The following PSD3 variants were observed in gnomAD, a reference collection of about 807,000 sequenced individuals.
PSD3 encodes the protein PH and SEC7 domain-containing protein 3.
PSD3 carries 49 observed loss-of-function variants against 105.5 expected under a neutral mutation model. That is an observed-to-expected ratio of 0.46 (90% CI 0.37 to 0.59). The LOEUF is 0.59. Ranked by LOEUF, PSD3 falls within the 20% of genes least tolerant of loss-of-function variation. The probability of loss-of-function intolerance (pLI) is 0.00; values close to 1 mark genes in which losing one functional copy is unlikely to be tolerated. For synonymous variants in PSD3, 557 were observed against 457.8 expected (o/e 1.22, Z -2.77); for missense variants, 1,561 against 1,263.8 (o/e 1.24, Z -3.57).
At chr8:19,003,848 G>T (rs74973554) in intron 1 of PSD3, among the ~76,000 whole-genome samples, 18,253 of 151,852 alleles carry the variant, frequency 0.12, 1,355 homozygotes, top group Non-Finnish European at 0.16. Flanking sequence ...TCTCCCTGGC[G>T]AGGGATGTTT....
At chr8:18,843,539 T>C (rs141248752) in intron 4 of PSD3, among the ~76,000 whole-genome samples, 1 of 152,314 alleles carries the variant, frequency 6.6e-6, no homozygotes, top group Non-Finnish European at 1.5e-5. Flanking sequence ...CTCTGTATTC[T>C]GGGTTTATAA....
At chr8:18,560,152 C>A (rs1801307484) in intron 14 of PSD3, among the ~76,000 whole-genome samples, 1 of 149,708 alleles carries the variant, frequency 6.7e-6, no homozygotes, top group African/African-American at 2.5e-5. Context: ...GCTAGAATCC[C>A]ATGATAAGAA....
Position 18,681,471 on chromosome 8 carries a change from A to G in PSD3, c.2173-25786T>C, listed in dbSNP as rs575138117. On this transcript the variant is annotated intron_variant, in intron 9 of 15. Coordinates refer to ENST00000327040, the MANE Select transcript of PSD3 (RefSeq NM_015310.4). ...CAAAAAAAAAAAAAAAAAAAAAAGAAGAGGAGGAAGAAGAAACACTGATTT... is the reference window on the plus strand; with the variant it reads ...CAAAAAAAAAAAAAAAAAAAAAAGAGGAGGAGGAAGAAGAAACACTGATTT... 1.5e-4 allele frequency among the ~76,000 whole-genome samples: 22 copies of G among 150,482 alleles called. No individual in the cohort carries two copies. In the East Asian group the frequency reaches 3.9e-3, roughly 27 times the overall value.
In PSD3 at chr8:18,533,425, C is replaced by T. The variant is rs1256223452; in HGVS notation, c.*2318G>A. The T allele has an allele frequency of 1.3e-5, 2 of 152,152 alleles. No individual in the cohort carries two copies. Among genetic ancestry groups the T allele is most frequent in the African/African-American group, 4.8e-5 (2 of 41,432 alleles). The allele number at this position is 152,152 out of a possible 1,614,324, so 9.4% of individuals were successfully genotyped here. On this transcript the variant is annotated 3_prime_UTR_variant, in exon 16 of 16. Coordinates refer to ENST00000327040, the MANE Select transcript of PSD3 (RefSeq NM_015310.4). ...GTATCCAATGATCTATTAGCCTATC[C>T]AGAAGTCCCTGGAGTTAATATTAGT... is the stretch of plus-strand genomic sequence containing the variant.
intron 12 of PSD3, among the ~76,000 whole-genome samples, chr8:18,595,635 T>G (rs1393146110): frequency 2.6e-5 from 4 of 152,074 alleles, no homozygotes; most frequent in Admixed American, 6.6e-5. Flanking sequence ...GTAGCCATAC[T>G]TATATTATAC....
At chr8:18,982,404 C>T (rs904925996) in intron 1 of PSD3, among the ~76,000 whole-genome samples, 56 of 152,164 alleles carry the variant, frequency 3.7e-4, no homozygotes, top group African/African-American at 1.3e-3. Flanking sequence ...TTTTGATGTC[C>T]TCCAATGAAT....
intron 1 of PSD3, among the ~76,000 whole-genome samples, chr8:19,074,746 G>C (rs1829406567): frequency 1.4e-5 from 2 of 145,890 alleles, no homozygotes; most frequent in Admixed American, 6.9e-5. Flanking sequence ...TCAGCCTCCC[G>C]AGTAGCTGGG....
intron 9 of PSD3, among the ~76,000 whole-genome samples, chr8:18,763,901 A>G (rs1234689253): frequency 1.3e-5 from 2 of 152,142 alleles, no homozygotes; most frequent in Admixed American, 1.3e-4. Context: ...AAAAAAACAA[A>G]TAATACATAC....
intron 9 of PSD3, among the ~76,000 whole-genome samples, chr8:18,676,500 G>A (rs1317368637): frequency 5.9e-5 from 9 of 152,154 alleles, no homozygotes. Flanking sequence ...CTCTCATAAT[G>A]TTTAAATATG....
chr8:18,817,306 T>C (rs2632838), intron 4 of PSD3, among the ~76,000 whole-genome samples: 52,670 of 152,048 alleles, frequency 0.35, 9,631 homozygotes, highest in East Asian at 0.76. Context: ...TGTTTCGCAG[T>C]TCCCCCTGTA....
intron 12 of PSD3, among the ~76,000 whole-genome samples, chr8:18,595,234 A>AAT (rs1804001336): frequency 6.9e-6 from 1 of 145,378 alleles, no homozygotes; most frequent in Non-Finnish European, 1.6e-5. Flanking sequence ...AACAAAAAAA[A>AAT]CCCTAAAAGA....
intron 10 of PSD3, among the ~76,000 whole-genome samples, chr8:18,646,651 T>C (rs976222688): frequency 1.3e-4 from 20 of 151,988 alleles, no homozygotes; most frequent in South Asian, 8.3e-4. Context: ...AAGTGTAAGG[T>C]GGTACAACTA....
intron 11 of PSD3, among the ~76,000 whole-genome samples, chr8:18,630,759 G>T (rs557772894): frequency 1.8e-4 from 28 of 151,892 alleles, no homozygotes; most frequent in Non-Finnish European, 3.5e-4. Context: ...AACGGTGGAT[G>T]GAAAATATTC....
chr8:19,016,307 C>T (rs1354970520), upstream of PSD3, among the ~76,000 whole-genome samples: 1 of 152,064 alleles, frequency 6.6e-6, no homozygotes, highest in Admixed American at 6.6e-5. Context: ...CCCATGAGCC[C>T]TAATGTATGT....
intron 10 of PSD3, among the ~76,000 whole-genome samples, chr8:18,646,470 T>C (rs1330492095): frequency 2.6e-5 from 4 of 152,104 alleles, no homozygotes. Flanking sequence ...ATATTTTAAC[T>C]AAAATTAGGA....
intron 8 of PSD3, among the ~76,000 whole-genome samples, chr8:18,795,277 A>T (rs1291568751): frequency 6.6e-6 from 1 of 152,154 alleles, no homozygotes; most frequent in Non-Finnish European, 1.5e-5. Flanking sequence ...GATACTCAAC[A>T]TGCTCTGAGT....
intron 8 of PSD3, among the ~76,000 whole-genome samples, chr8:18,784,716 T>G (rs993418218): frequency 6.6e-6 from 1 of 152,136 alleles, no homozygotes; most frequent in African/African-American, 2.4e-5. Flanking sequence ...GATAAAGAGA[T>G]ACACAGAGTG....
At chr8:19,045,775 C>T (rs898778662) in intron 1 of PSD3, among the ~76,000 whole-genome samples, 1 of 152,182 alleles carries the variant, frequency 6.6e-6, no homozygotes, top group Non-Finnish European at 1.5e-5. Flanking sequence ...ATGCTGTTAA[C>T]ATTTGTGGGT....
At chr8:18,611,801 G>T (rs1805287466) in intron 11 of PSD3, among the ~76,000 whole-genome samples, 1 of 152,190 alleles carries the variant, frequency 6.6e-6, no homozygotes, top group East Asian at 1.9e-4. Flanking sequence ...TGTAACCTAG[G>T]AAGCTGTAAG....
Sources: gnomAD v4.1 joint callset for allele counts (sites outside exome capture counted in the v4.1 genomes callset) on GRCh38, gnomAD v4.1.1 for gene constraint, MANE v1.5 for transcripts, NCBI Gene and HGNC (gene_info 2026-07-23, HGNC 2026-07-21) for gene names.